The following GNG4 variants were observed in gnomAD, a reference collection of about 807,000 sequenced individuals.
The protein encoded by GNG4 is guanine nucleotide-binding protein G(I)/G(S)/G(O) subunit gamma-4.
GNG4 carries 4 observed loss-of-function variants against 5.8 expected under a neutral mutation model. That is an observed-to-expected ratio of 0.69 (90% CI 0.34 to 1.57). The LOEUF (loss-of-function observed/expected upper bound fraction) is 1.57. Ranked by LOEUF, GNG4 falls within the 40% of genes most tolerant of loss-of-function variation. GNG4 has a pLI of 0.06. For synonymous variants in GNG4, 29 were observed against 32.9 expected (o/e 0.88, Z 0.41); for missense variants, 96 against 95.1 (o/e 1.01, Z -0.04).
chr1:235,552,768 A>C (rs911374311), intron 3 of GNG4, among the ~76,000 whole-genome samples: 5 of 151,316 alleles, frequency 3.3e-5, no homozygotes, highest in Non-Finnish European at 7.4e-5. Context: ...TTTCATTTTT[A>C]TTTCTTTTTT....
intron 1 of GNG4, among the ~76,000 whole-genome samples, chr1:235,608,081 GCGC>G (rs1381322543): frequency 6.6e-6 from 1 of 152,058 alleles, no homozygotes; most frequent in Non-Finnish European, 1.5e-5. Flanking sequence ...GGGACTACAG[GCGC>G]ACGCCACCAT....
At chr1:235,580,836 C>T (rs1687615814) in intron 3 of GNG4, among the ~76,000 whole-genome samples, 3 of 148,998 alleles carry the variant, frequency 2.0e-5, no homozygotes, top group Admixed American at 1.4e-4. Flanking sequence ...CTGCAAACTC[C>T]ACCTCCTGGG....
intron 1 of GNG4, among the ~76,000 whole-genome samples, chr1:235,607,000 G>A (rs996676036): frequency 7.3e-6 from 1 of 136,264 alleles, no homozygotes; most frequent in Non-Finnish European, 1.5e-5. Flanking sequence ...GTGCAGTCGT[G>A]TGATCTCAGC....
chr1:235,640,243 G>A (rs1657282632), intron 1 of GNG4, among the ~76,000 whole-genome samples: 1 of 152,122 alleles, frequency 6.6e-6, no homozygotes, highest in South Asian at 2.1e-4. Context: ...TAGGACACAA[G>A]AGCCTGGGGA....
intron 1 of GNG4, among the ~76,000 whole-genome samples, chr1:235,607,459 C>T (rs1023257441): frequency 2.9e-4 from 44 of 152,274 alleles, no homozygotes; most frequent in East Asian, 1.9e-4. Flanking sequence ...TGCTGGCCAT[C>T]GCCACTGGGT....
Position 235,644,329 on chromosome 1 carries a change from A to G in GNG4, c.-123+5333T>C, listed in dbSNP as rs1657440121. Among the ~76,000 whole-genome samples the G allele has an allele frequency of 6.6e-6, 1 of 151,970 alleles. No homozygotes were observed. Among genetic ancestry groups the G allele is most frequent in the Admixed American group, 6.6e-5 (1 of 15,262 alleles). On this transcript the variant is annotated intron_variant, in intron 1 of 3. Coordinates refer to ENST00000391854, the MANE Select transcript of GNG4 (RefSeq NM_001098722.2). The surrounding 1 kb of genome is among the most constrained non-coding windows in gnomAD (Gnocchi z 5.9). ...CCGGCAACACTGCCAGTTCCCCTTT[A>G]TTTCCCTTGAGGTCAACATTTTGGA...
At chr1:235,627,630 G>A (rs540527346) in intron 1 of GNG4, among the ~76,000 whole-genome samples, 3 of 152,304 alleles carry the variant, frequency 2.0e-5, no homozygotes, top group African/African-American at 7.2e-5. Flanking sequence ...ACTGATGCAT[G>A]CAGGAACCAG....
chr1:235,609,038 G>C (rs1688422163), intron 1 of GNG4, among the ~76,000 whole-genome samples: 1 of 152,142 alleles, frequency 6.6e-6, no homozygotes, highest in African/African-American at 2.4e-5. Context: ...TCACATTGCT[G>C]TCTAGGCTTG....
At chr1:235,559,854 A>ATGC (rs1337570164) in intron 3 of GNG4, among the ~76,000 whole-genome samples, 5 of 152,238 alleles carry the variant, frequency 3.3e-5, no homozygotes, top group African/African-American at 1.2e-4. Flanking sequence ...TAAATCTAAG[A>ATGC]TGCTTGAAAG....
intron 1 of GNG4, among the ~76,000 whole-genome samples, chr1:235,637,141 A>G (rs1037000550): frequency 1.3e-5 from 2 of 152,198 alleles, no homozygotes; most frequent in African/African-American, 4.8e-5. Flanking sequence ...TAGCAAACTG[A>G]AAAATGCTAA....
chr1:235,574,973 C>T (rs113865361), intron 3 of GNG4, among the ~76,000 whole-genome samples: 35 of 152,178 alleles, frequency 2.3e-4, no homozygotes, highest in African/African-American at 1.2e-4. Context: ...TACAGGCACA[C>T]ACCACCACAC....
intron 1 of GNG4, among the ~76,000 whole-genome samples, chr1:235,611,171 CTT>C (rs983215576): frequency 2.4e-4 from 35 of 143,378 alleles, no homozygotes; most frequent in Admixed American, 2.1e-4. Context: ...CTCTCTCTCT[CTT>C]TTTTTTTTTT....
At chr1:235,554,885 T>C (rs1157741600) in intron 3 of GNG4, among the ~76,000 whole-genome samples, 4 of 150,692 alleles carry the variant, frequency 2.7e-5, no homozygotes, top group Non-Finnish European at 5.9e-5. Flanking sequence ...CGTCTGACTA[T>C]CATGCCCTCT....
At chr1:235,568,380 T>C (rs1687253288) in intron 3 of GNG4, among the ~76,000 whole-genome samples, 1 of 152,236 alleles carries the variant, frequency 6.6e-6, no homozygotes, top group South Asian at 2.1e-4. Context: ...GAAGACCTTT[T>C]GACTGAGCAG....
At chr1:235,579,862 A>AAAAAAAAAAAAAAAAAAAAAAAAAT (rs57019025) in intron 3 of GNG4, among the ~76,000 whole-genome samples, 2 of 108,552 alleles carry the variant, frequency 1.8e-5, no homozygotes, top group African/African-American at 3.8e-5. Context: ...CAAAAAAAAA[A>AAAAAAAAAAAAAAAAAAAAAAAAAT]AGGTAAAAAG....
chr1:235,577,061 C>G (rs1019377329), intron 3 of GNG4, among the ~76,000 whole-genome samples: 3 of 152,196 alleles, frequency 2.0e-5, no homozygotes, highest in African/African-American at 7.2e-5. Flanking sequence ...GACAGATGTC[C>G]CCTTATTTTC....
chr1:235,572,877 T>A (rs191894021), intron 3 of GNG4, among the ~76,000 whole-genome samples: 4 of 152,304 alleles, frequency 2.6e-5, no homozygotes, highest in African/African-American at 9.6e-5. Context: ...AGTTTTTATG[T>A]AGTGCCTGAC....
At chr1:235,556,871 G>A (rs1423725123) in intron 3 of GNG4, among the ~76,000 whole-genome samples, 2 of 151,794 alleles carry the variant, frequency 1.3e-5, no homozygotes, top group Non-Finnish European at 2.9e-5. Flanking sequence ...GGGAGACAGT[G>A]ACAGATAATC....
intron 1 of GNG4, among the ~76,000 whole-genome samples, chr1:235,604,630 C>T (rs539497867): frequency 1.3e-5 from 2 of 152,308 alleles, no homozygotes; most frequent in African/African-American, 2.4e-5. Context: ...TGTGTCTCAC[C>T]GTGTCATCTT....
Sources: allele counts gnomAD v4.1 joint callset (sites outside exome capture counted in the v4.1 genomes callset), GRCh38; gene constraint gnomAD v4.1.1; non-coding constraint Gnocchi (gnomAD v3.1); transcripts MANE v1.5; gene names NCBI Gene and HGNC (gene_info 2026-07-23, HGNC 2026-07-21).